The following DLGAP2 variants were observed in gnomAD, a reference collection of about 807,000 sequenced individuals.
DLGAP2 encodes the protein DLG associated protein 2, also known as disks large-associated protein 2.
Under a neutral mutation model 100.3 loss-of-function variants are expected in DLGAP2, and 26 were observed. That is an observed-to-expected ratio of 0.26 (90% CI 0.19 to 0.36). The LOEUF is 0.36. Among genes scored for constraint, DLGAP2 ranks in the 10% least tolerant of loss-of-function variants. DLGAP2 has a pLI of 1.00. For synonymous variants in DLGAP2, 886 were observed against 630.1 expected, an observed-to-expected ratio of 1.41 and a Z score of -6.08; for missense variants, 1,858 against 1,453.2, an observed-to-expected ratio of 1.28 and a Z score of -4.53.
At chr8:834,349 A>C (rs1229967413) in intron 1 of DLGAP2, among the ~76,000 whole-genome samples, 1 of 152,244 alleles carries the variant, frequency 6.6e-6, no homozygotes, top group African/African-American at 2.4e-5. Context: ...CCAGACATAA[A>C]GACAAGCTGA....
rs112675585 is a variant in DLGAP2 at position 1,489,433 on chromosome 8, G to A, written c.107-11933G>A. On this transcript the variant is annotated intron_variant, in intron 3 of 14. Transcript: ENST00000637795. ...CTGTGTGAGGGAACAGCAGTCACTC[G>A]GGGCTGACCCACGTTAGAGGAAGAA... Among the ~76,000 whole-genome samples, 308 of 152,284 alleles carry A rather than the reference G, an allele frequency of 2.0e-3. 2 individuals carry two copies. Among genetic ancestry groups the A allele is most frequent in the African/African-American group, 7.1e-3 (297 of 41,550 alleles).
chr8:853,175 G>C (rs1045500104), intron 1 of DLGAP2, among the ~76,000 whole-genome samples: 1 of 152,164 alleles, frequency 6.6e-6, no homozygotes. Flanking sequence ...CCCAGGGCTC[G>C]GCACAGCTGC....
chr8:1,167,306 G>T lies in DLGAP2; in HGVS notation c.74-91545G>T, dbSNP rs914066904. On this transcript the variant is annotated intron_variant, in intron 2 of 14. Coordinates refer to ENST00000637795, the MANE Select transcript of DLGAP2 (RefSeq NM_001346810.2). ...CCACAGCAACTTCAAGAGCAGGAGA[G>T]AAGTAATTGGCTTTCTCGAGTCCAG... Among the ~76,000 whole-genome samples, 5 of 152,196 alleles carry T rather than the reference G, an allele frequency of 3.3e-5. No individual in the cohort carries two copies. In the South Asian group the frequency reaches 8.3e-4, roughly 25 times the overall value.
chr8:981,893 A>G (rs1420656805), intron 2 of DLGAP2, among the ~76,000 whole-genome samples: 3 of 152,204 alleles, frequency 2.0e-5, no homozygotes, highest in Non-Finnish European at 1.5e-5. Context: ...TTGAACTTTA[A>G]CGTTGAATGG....
intron 3 of DLGAP2, among the ~76,000 whole-genome samples, chr8:1,438,525 T>C (rs1486766200): frequency 6.6e-6 from 1 of 152,204 alleles, no homozygotes; most frequent in Non-Finnish European, 1.5e-5. Context: ...GACTCACCAC[T>C]AGCTTTTGAC....
chr8:1,291,243 C>G (rs912283573), intron 3 of DLGAP2, among the ~76,000 whole-genome samples: 8 of 152,102 alleles, frequency 5.3e-5, no homozygotes, highest in African/African-American at 1.7e-4. Flanking sequence ...GATGGAAAAT[C>G]ACAAACCAAA....
intron 2 of DLGAP2, among the ~76,000 whole-genome samples, chr8:1,108,936 A>G (rs1462702027): frequency 8.7e-6 from 1 of 115,210 alleles, no homozygotes; most frequent in African/African-American, 3.4e-5. Flanking sequence ...TGAGGTGTGC[A>G]TAGGTCTGTG....
intron 2 of DLGAP2, among the ~76,000 whole-genome samples, chr8:949,269 C>G (rs1430936153): frequency 6.6e-6 from 1 of 152,206 alleles, no homozygotes; most frequent in East Asian, 1.9e-4. Flanking sequence ...AAAGGAGGAA[C>G]TTTCCTAGTT....
chr8:989,023 G>C (rs995634656), intron 2 of DLGAP2, among the ~76,000 whole-genome samples: 1 of 152,204 alleles, frequency 6.6e-6, no homozygotes, highest in Non-Finnish European at 1.5e-5. Flanking sequence ...CCTGGACCTT[G>C]TCTCTGCTGT....
At chr8:1,655,779 CT>C (rs1798269950) in intron 8 of DLGAP2, among the ~76,000 whole-genome samples, 1 of 152,220 alleles carries the variant, frequency 6.6e-6, no homozygotes, top group African/African-American at 2.4e-5. Context: ...CCTGAAGGAC[CT>C]TCATGATCAG....
chr8:786,616 T>C (rs914382482), intron 1 of DLGAP2, among the ~76,000 whole-genome samples: 6 of 151,600 alleles, frequency 4.0e-5, no homozygotes, highest in Non-Finnish European at 5.9e-5. Flanking sequence ...CCAGCGGCTC[T>C]TCGGGAGAGA....
chr8:1,288,022 A>G (rs1301877233), intron 3 of DLGAP2, among the ~76,000 whole-genome samples: 2 of 73,434 alleles, frequency 2.7e-5, no homozygotes, highest in Non-Finnish European at 4.7e-5. Context: ...TAGGGGGACT[A>G]GTTTCGGTTG....
chr8:1,180,412 C>T (rs1025881395), intron 2 of DLGAP2, among the ~76,000 whole-genome samples: 1 of 152,194 alleles, frequency 6.6e-6, no homozygotes, highest in Non-Finnish European at 1.5e-5. Flanking sequence ...ACAATGTTGC[C>T]CAGCCTGGTC....
chr8:1,072,083 A>G (rs1489198027), intron 2 of DLGAP2, among the ~76,000 whole-genome samples: 1 of 152,230 alleles, frequency 6.6e-6, no homozygotes, highest in East Asian at 1.9e-4. Flanking sequence ...CCGTCCTGCC[A>G]TGAAGTCGTG....
intron 3 of DLGAP2, among the ~76,000 whole-genome samples, chr8:1,415,685 A>C (rs1466076955): frequency 1.3e-5 from 2 of 152,232 alleles, no homozygotes; most frequent in African/African-American, 4.8e-5. Context: ...GTGTATAGGT[A>C]GCACTGTCTC....
chr8:1,508,699 C>T (rs1419934378), intron 4 of DLGAP2, among the ~76,000 whole-genome samples: 5 of 149,790 alleles, frequency 3.3e-5, no homozygotes, highest in Non-Finnish European at 5.9e-5. Context: ...AAAATGGAAT[C>T]CACAACTGCT....
At chr8:1,370,701 T>G (rs1484106945) in intron 3 of DLGAP2, among the ~76,000 whole-genome samples, 2 of 152,188 alleles carry the variant, frequency 1.3e-5, no homozygotes, top group African/African-American at 4.8e-5. Flanking sequence ...AGACAACCGC[T>G]CCACTCTTGC....
At chr8:1,275,888 T>TATAAATATATATAATATATAAATAAATAC (rs1799678798) in intron 3 of DLGAP2, among the ~76,000 whole-genome samples, 1 of 122,264 alleles carries the variant, frequency 8.2e-6, no homozygotes, top group Non-Finnish European at 1.6e-5. Context: ...TAAATAAATA[T>TATAAATATATATAATATATAAATAAATAC]ATAATATATA....
chr8:800,732 G>T (rs1427975407), intron 1 of DLGAP2, among the ~76,000 whole-genome samples: 1 of 152,094 alleles, frequency 6.6e-6, no homozygotes, highest in African/African-American at 2.4e-5. Context: ...GTGTTTGTGT[G>T]TATGTGTATG....
Sources: gnomAD v4.1 joint callset for allele counts (sites outside exome capture counted in the v4.1 genomes callset) on GRCh38, gnomAD v4.1.1 for gene constraint, MANE v1.5 for transcripts, NCBI Gene and HGNC (gene_info 2026-07-23, HGNC 2026-07-21) for gene names.